Variants in JCHAIN observed in about 807,000 individuals in gnomAD.
JCHAIN encodes the protein immunoglobulin J chain.
JCHAIN carries 5 observed loss-of-function variants against 11.1 expected under a neutral mutation model. The ratio of observed to expected loss-of-function variants is 0.45; its 90% confidence interval spans 0.24 to 0.95. The LOEUF is 0.95. Among genes scored for constraint, JCHAIN ranks in the 40% least tolerant of loss-of-function variants. The pLI, the probability that JCHAIN is intolerant of heterozygous loss-of-function variation, is 0.21. For missense variants in JCHAIN, 165 were observed against 192.7 expected, an observed-to-expected ratio of 0.86 and a Z score of 0.85; for synonymous variants, 51 against 67.8, an observed-to-expected ratio of 0.75 and a Z score of 1.22.
chr4:70,657,920 G>A (rs1259332248), intron 2 of JCHAIN, among the ~76,000 whole-genome samples: 1 of 152,126 alleles, frequency 6.6e-6, no homozygotes, highest in Non-Finnish European at 1.5e-5. Flanking sequence ...TCATCGTGAT[G>A]TCCCATGAAA....
intron 2 of JCHAIN, among the ~76,000 whole-genome samples, chr4:70,659,549 CAAAAAAAAAAAAAAAA>C (rs35627461): frequency 1.3e-3 from 22 of 16,552 alleles, no homozygotes; most frequent in Admixed American, 3.5e-3. Context: ...GACTCTGTCT[CAAAAAAAAAAAAAAAA>C]AAAAAAAAAA....
At chr4:70,657,402 T>G in intron 2 of JCHAIN, 111 bp from the exon 3 acceptor site, 1 of 607,072 alleles carries the variant, frequency 1.6e-6, no homozygotes, top group South Asian at 2.2e-5. Context: ...TTGTATTTAG[T>G]ACTCTATAAG....
rs1041089077 is a variant in JCHAIN, at chr4:70,666,461, G to A, written c.30C>T (p.Val10=). 4.3e-6 allele frequency: 7 copies of A among 1,613,190 alleles called. No homozygotes were observed. Among genetic ancestry groups the A allele is most frequent in the Non-Finnish European group, 5.9e-6 (7 of 1,179,326 alleles). Reference sequence around the variant, plus strand: ...GAACAGCCTTAATAAAAACCGCCAGGACTCCCCAGAAAAGCAAATGGTTCT... The same window carrying A: ...GAACAGCCTTAATAAAAACCGCCAGAACTCCCCAGAAAAGCAAATGGTTCT... MKNHLLFWG[V]LAVFIKAVHV... The change falls in exon 1 of 4, where the codon GTC becomes GTT. Residue 10 remains valine (V), a synonymous_variant. Transcript: ENST00000254801.
intron 2 of JCHAIN, among the ~76,000 whole-genome samples, chr4:70,658,275 C>T (rs1268381809): frequency 2.6e-5 from 4 of 152,166 alleles, no homozygotes; most frequent in African/African-American, 9.7e-5. Flanking sequence ...GTCTTGACCC[C>T]TTCAAACCAC....
chr4:70,660,932 CTATT>C (rs1398176699), intron 2 of JCHAIN, among the ~76,000 whole-genome samples: 2 of 152,092 alleles, frequency 1.3e-5, no homozygotes, highest in Non-Finnish European at 2.9e-5. Context: ...GGAATATTCT[CTATT>C]TATTTTTACA....
chr4:70,662,609 T>A (rs1739081679), intron 1 of JCHAIN, among the ~76,000 whole-genome samples: 2 of 152,122 alleles, frequency 1.3e-5, no homozygotes, highest in African/African-American at 4.8e-5. Context: ...CTTTTCATAA[T>A]AACAATCAGA....
At chr4:70,657,387 A>G (rs1174951561) in intron 2 of JCHAIN, 96 bp from the exon 3 acceptor site, 1 of 711,352 alleles carries the variant, frequency 1.4e-6, no homozygotes. Context: ...TCAGAACAGT[A>G]CTTATTGTAT....
chr4:70,661,249 T>TATTGAA (rs1739054419), intron 2 of JCHAIN, among the ~76,000 whole-genome samples: 1 of 152,252 alleles, frequency 6.6e-6, no homozygotes, highest in Non-Finnish European at 1.5e-5. Context: ...ATTAGCATTC[T>TATTGAA]TGCTATTGAA....
chr4:70,655,902 G>T lies in JCHAIN; in HGVS notation c.*427C>A. 1 of 143,514 alleles carries T rather than the reference G, an allele frequency of 7.0e-6. No individual in the cohort carries two copies. The allele number at this position is 143,514 out of a possible 1,614,324, so 8.9% of individuals were successfully genotyped here. A position where few individuals can be genotyped will look rare whatever the true frequency, so the allele number is the denominator to read the frequency against. On this transcript the variant is annotated 3_prime_UTR_variant, in exon 4 of 4. Coordinates refer to ENST00000254801, the MANE Select transcript of JCHAIN (RefSeq NM_144646.4). ...AGTGAAACTTTTTTTAAAAAGAATA[G>T]TAAAGAAAATGCGGAAGCTCTGGCT... is the stretch of plus-strand genomic sequence containing the variant.
rs756734000 is a variant in JCHAIN at position 70,656,367 on chromosome 4, C to G, written c.442G>C (p.Glu148Gln). The G allele has an allele frequency of 1.2e-6, 2 of 1,614,060 alleles. No individual in the cohort carries two copies. Among genetic ancestry groups the G allele is most frequent in the South Asian group, 1.1e-5 (1 of 91,086 alleles). ...LVYGGETKMV[E>Q]TALTPDACYP... ...CAGGCATCTGGGGTTAAGGCTGTTT[C>G]CACCATTTTGGTCTCACCACCATAT... Residue 148 changes from glutamate (E) to glutamine (Q), a missense_variant, in exon 4 of 4, where the codon GAA becomes CAA. Glu to Gln is a conservative substitution (Grantham distance 29). Coordinates refer to ENST00000254801, the MANE Select transcript of JCHAIN (RefSeq NM_144646.4).
intron 2 of JCHAIN, among the ~76,000 whole-genome samples, chr4:70,661,655 G>C (rs532381628): frequency 6.6e-6 from 1 of 152,174 alleles, no homozygotes; most frequent in South Asian, 2.1e-4. Context: ...CCAGGTGTGG[G>C]GTGGTGCATG....
rs759812216 is a variant in JCHAIN, at chr4:70,656,432, T to C, written c.377A>G (p.Tyr126Cys). The stretch of plus-strand genomic sequence containing the variant: ...AGCTGTGTAGCACTTGTTTCTGTCA[T>C]AAGTGTAGCAGGTCTCTGTAGCACT... Reference protein sequence around the residue: ...EDSATETCYTYDRNKCYTAVV... With the variant: ...EDSATETCYTCDRNKCYTAVV... The change falls in exon 4 of 4, where the codon TAT becomes TGT. Residue 126 changes from tyrosine (Y) to cysteine (C), a missense_variant. Physicochemically the swap from Tyr to Cys is radical, Grantham distance 194. Coordinates refer to ENST00000254801, the MANE Select transcript of JCHAIN (RefSeq NM_144646.4). 1 of 1,613,932 alleles carries C rather than the reference T, an allele frequency of 6.2e-7. No individual in the cohort carries two copies. The highest frequency in any genetic ancestry group is 1.1e-5 in the South Asian group (1 of 91,078).
chr4:70,666,494 G>C lies in JCHAIN; in HGVS notation c.-4C>G. 5 of 1,610,818 alleles carry C rather than the reference G, an allele frequency of 3.1e-6. No homozygotes were observed. The highest frequency in any genetic ancestry group is 4.2e-6 in the Non-Finnish European group (5 of 1,177,180). On this transcript the variant is annotated 5_prime_UTR_variant, in exon 1 of 4. Coordinates refer to ENST00000254801, the MANE Select transcript of JCHAIN (RefSeq NM_144646.4). The stretch of plus-strand genomic sequence containing the variant: ...AGAAAAGCAAATGGTTCTTCATCTT[G>C]ACTTCACTTCTTCTGAAAAACTGGA...
chr4:70,660,621 T>C (rs901680221), intron 2 of JCHAIN, among the ~76,000 whole-genome samples: 5 of 152,082 alleles, frequency 3.3e-5, no homozygotes, highest in African/African-American at 1.2e-4. Context: ...TAACCTCAGG[T>C]GATCCACCCG....
chr4:70,662,918 C>G (rs955738016), intron 1 of JCHAIN, among the ~76,000 whole-genome samples: 4 of 150,944 alleles, frequency 2.6e-5, no homozygotes, highest in South Asian at 4.2e-4. Flanking sequence ...AAGATCGTGC[C>G]ACTGCACTCC....
At chr4:70,665,377 G>A (rs1739131928) in intron 1 of JCHAIN, among the ~76,000 whole-genome samples, 1 of 152,108 alleles carries the variant, frequency 6.6e-6, no homozygotes, top group Non-Finnish European at 1.5e-5. Context: ...AAAGGAATTA[G>A]CATGATACCT....
At chr4:70,657,415 C>T (rs1738969753) in intron 2 of JCHAIN, 124 bp from the exon 3 acceptor site, 1 of 449,900 alleles carries the variant, frequency 2.2e-6, no homozygotes, top group East Asian at 3.2e-5. Flanking sequence ...TCTATAAGCA[C>T]TCTAGAGTAA....
intron 1 of JCHAIN, chr4:70,663,990 A>C (rs919758868): frequency 2.6e-5 from 4 of 151,164 alleles, no homozygotes; most frequent in African/African-American, 9.7e-5. Flanking sequence ...GCACTTTGGG[A>C]GGCCGAGGCG....
At chr4:70,658,162 A>T (rs1738990946) in intron 2 of JCHAIN, among the ~76,000 whole-genome samples, 1 of 152,090 alleles carries the variant, frequency 6.6e-6, no homozygotes, top group East Asian at 1.9e-4. Context: ...GATTCTAATT[A>T]TTTTCATGTG....
Sources: gnomAD v4.1 joint callset for allele counts (sites outside exome capture counted in the v4.1 genomes callset) on GRCh38, gnomAD v4.1.1 for gene constraint, MANE v1.5 for transcripts, NCBI Gene and HGNC (gene_info 2026-07-23, HGNC 2026-07-21) for gene names.